Variants in FCER1A observed in about 807,000 individuals in gnomAD.
The protein encoded by FCER1A is high affinity immunoglobulin epsilon receptor subunit alpha.
In FCER1A, 24 loss-of-function variants were observed where a neutral mutation model predicts 23.6. The observed-to-expected ratio is 1.02, with a 90% CI of 0.74 to 1.43. The LOEUF (loss-of-function observed/expected upper bound fraction) is 1.43, where lower values mean the gene tolerates loss of function less well. Among genes scored for constraint, FCER1A ranks in the 40% most tolerant of loss-of-function variants. The pLI is 0.00. For synonymous variants in FCER1A, 121 were observed against 108.8 expected (o/e 1.11, Z -0.70); for missense variants, 318 against 294.5 (o/e 1.08, Z -0.58).
chr1:159,292,616 C>G (rs558931651), intron 1 of FCER1A, among the ~76,000 whole-genome samples: 12 of 152,186 alleles, frequency 7.9e-5, no homozygotes, highest in African/African-American at 2.9e-4. Context: ...GACGACATAC[C>G]TATCTATATA....
chr1:159,283,834 G>A, the FCER1A span, among the ~76,000 whole-genome samples: 1 of 152,110 alleles, frequency 6.6e-6, no homozygotes, highest in South Asian at 2.1e-4. Flanking sequence ...AAGGAGAAGA[G>A]AATCCCTCTG....
chr1:159,284,073 G>A, the FCER1A span, among the ~76,000 whole-genome samples: 1 of 152,194 alleles, frequency 6.6e-6, no homozygotes, highest in Non-Finnish European at 1.5e-5. Flanking sequence ...AGCATACAAA[G>A]GGAGGACCTT....
intron 1 of FCER1A, 89 bp from the exon 2 acceptor site, chr1:159,302,765 T>C (rs977300400): frequency 4.2e-6 from 5 of 1,190,168 alleles, no homozygotes; most frequent in Non-Finnish European, 6.3e-6. Context: ...ATTCCATGGA[T>C]GTAGATCTTA....
At chr1:159,296,488 G>A (rs1370740355) in intron 1 of FCER1A, among the ~76,000 whole-genome samples, 1 of 152,264 alleles carries the variant, frequency 6.6e-6, no homozygotes, top group East Asian at 1.9e-4. Flanking sequence ...AAAAATTCAA[G>A]GATGTTTTTC....
At chr1:159,302,896 C>T in intron 2 of FCER1A, 22 bp downstream of exon 2, 2 of 1,612,002 alleles carry the variant, frequency 1.2e-6, no homozygotes, top group Non-Finnish European at 1.7e-6. Flanking sequence ...GTTCTTGTTC[C>T]CTTGGTGTTT....
At chr1:159,302,480 G>A (rs1652464382) in intron 1 of FCER1A, 61 bp downstream of exon 1, 2 of 1,166,190 alleles carry the variant, frequency 1.7e-6, no homozygotes, top group Non-Finnish European at 2.6e-6. Context: ...GAGCAGCTGG[G>A]GTAGGAACCT....
Position 159,304,189 on chromosome 1 carries a change from T to C in FCER1A, c.331+7T>C. ...TACCTGGAAGTCTTCAGTGGTAAGT[T>C]CCAGGGATATGGAAATACAGATCTC... is the stretch of plus-strand genomic sequence containing the variant. On this transcript the variant is annotated splice_region_variant and intron_variant, in intron 3 of 4. Transcript: ENST00000693622. 2 of 1,612,198 alleles carry C rather than the reference T, an allele frequency of 1.2e-6. No homozygotes were observed. Among genetic ancestry groups the C allele is most frequent in the Non-Finnish European group, 1.7e-6 (2 of 1,178,584 alleles).
chr1:159,286,137 C>A (rs534159446), upstream of FCER1A, among the ~76,000 whole-genome samples: 12 of 151,618 alleles, frequency 7.9e-5, no homozygotes, highest in East Asian at 1.2e-3. Flanking sequence ...TTGCAGTGAC[C>A]CGAGATCATG....
At chr1:159,291,010 G>T (rs1016832658) in intron 1 of FCER1A, among the ~76,000 whole-genome samples, 2 of 152,090 alleles carry the variant, frequency 1.3e-5, no homozygotes, top group African/African-American at 2.4e-5. Flanking sequence ...ATATGCTATA[G>T]GCAAGCCAAG....
chr1:159,307,986 T>A lies in FCER1A; in HGVS notation c.*54T>A. 1 of 1,337,042 alleles carries A rather than the reference T, an allele frequency of 7.5e-7. No individual in the cohort carries two copies. The allele number at this position is 1,337,042 out of a possible 1,614,324, so 82.8% of individuals were successfully genotyped here. ...TTAGTTTTTTTCCAGCATCAGCAAT[T>A]GCTACTCAATTGTCAAACACAGCTT... On this transcript the variant is annotated 3_prime_UTR_variant, in exon 5 of 5. Transcript: ENST00000693622.
upstream of FCER1A, among the ~76,000 whole-genome samples, chr1:159,287,580 G>T (rs531060377): frequency 6.6e-6 from 1 of 151,848 alleles, no homozygotes; most frequent in African/African-American, 2.4e-5. Context: ...GAGTTGTCCA[G>T]CACCAGCATT....
chr1:159,288,909 A>G (rs1217260572), upstream of FCER1A, among the ~76,000 whole-genome samples: 1 of 152,198 alleles, frequency 6.6e-6, no homozygotes. Flanking sequence ...CTCACAAAAC[A>G]TTCTGAGGGG....
At chr1:159,286,706 A>G (rs1176011677), upstream of FCER1A, among the ~76,000 whole-genome samples, 1 of 152,204 alleles carries the variant, frequency 6.6e-6, no homozygotes, top group African/African-American at 2.4e-5. Context: ...TAGTCAATGG[A>G]ATTATTTTAT....
At chr1:159,295,089 A>G (rs1192950011) in intron 1 of FCER1A, among the ~76,000 whole-genome samples, 2 of 152,218 alleles carry the variant, frequency 1.3e-5, no homozygotes, top group Non-Finnish European at 2.9e-5. Flanking sequence ...AATTGAGAAT[A>G]CAAAAAATTA....
Position 159,307,859 on chromosome 1 carries a change from T to G in FCER1A, c.701T>G (p.Leu234Trp), listed in dbSNP as rs1373075745. 1 of 1,613,742 alleles carries G rather than the reference T, an allele frequency of 6.2e-7. No homozygotes were observed. The highest frequency in any genetic ancestry group is 2.2e-5 in the East Asian group (1 of 44,876). Reference protein sequence around the residue: ...ISTQQQVTFLLKIKRTRKGFR... With the variant: ...ISTQQQVTFLWKIKRTRKGFR... ...ACTCAGCAGCAGGTCACATTTCTCT[T>G]GAAGATTAAGAGAACCAGGAAAGGC... Residue 234 changes from leucine (L) to tryptophan (W), a missense_variant, in exon 5 of 5, where the codon TTG becomes TGG. Leu to Trp is a moderately conservative substitution (Grantham distance 61). Transcript: ENST00000693622.
upstream of FCER1A, chr1:159,289,680 A>G (rs1652099115): frequency 6.6e-6 from 1 of 152,140 alleles, no homozygotes; most frequent in Admixed American, 6.5e-5. Flanking sequence ...AAAATTAATC[A>G]ATTTAATTTT....
intron 1 of FCER1A, among the ~76,000 whole-genome samples, chr1:159,296,563 A>G (rs1177677684): frequency 6.6e-6 from 1 of 152,226 alleles, no homozygotes; most frequent in Admixed American, 6.5e-5. Flanking sequence ...AAAATACAGT[A>G]TGTATGAGAA....
upstream of FCER1A, among the ~76,000 whole-genome samples, chr1:159,299,873 C>T (rs59488253): frequency 0.13 from 19,096 of 151,392 alleles, 2,069 homozygotes; most frequent in East Asian, 0.52. Context: ...TTAATGTGTT[C>T]CTTCTGTGTT....
chr1:159,287,115 T>A (rs1652038001), upstream of FCER1A, among the ~76,000 whole-genome samples: 1 of 152,192 alleles, frequency 6.6e-6, no homozygotes, highest in Non-Finnish European at 1.5e-5. Flanking sequence ...CATGTCAGAA[T>A]AACCCATGCT....
Sources: gnomAD v4.1 joint callset for allele counts (sites outside exome capture counted in the v4.1 genomes callset) on GRCh38, gnomAD v4.1.1 for gene constraint, MANE v1.5 for transcripts, NCBI Gene and HGNC (gene_info 2026-07-23, HGNC 2026-07-21) for gene names.